CCM2L: variants seen among roughly 807,000 people sequenced by gnomAD.
The protein encoded by CCM2L is cerebral cavernous malformations 2 protein-like.
A neutral mutation model predicts 54.1 loss-of-function variants in CCM2L; 36 were observed. The ratio of observed to expected loss-of-function variants is 0.67; its 90% CI spans 0.51 to 0.88. The LOEUF is 0.88. Among genes scored for constraint, CCM2L ranks in the 40% least tolerant of loss-of-function variants. The pLI is 0.00. For missense variants in CCM2L, 700 were observed against 812.1 expected (o/e 0.86, Z 1.68); for synonymous variants, 351 against 359.3 (o/e 0.98, Z 0.26).
At chr20:32,022,587 C>A (rs764638443) in intron 5 of CCM2L, 73 bp from the exon 6 acceptor site, 6 of 1,560,468 alleles carry the variant, frequency 3.8e-6, no homozygotes, top group Non-Finnish European at 5.2e-6. Context: ...TCTTCACACA[C>A]TGTTTTAGGA....
intron 6 of CCM2L, among the ~76,000 whole-genome samples, chr20:32,024,534 A>G (rs1417028529): frequency 6.6e-6 from 1 of 152,162 alleles, no homozygotes; most frequent in Non-Finnish European, 1.5e-5. Flanking sequence ...ACAAATAAAT[A>G]CACAACCACA....
Position 32,018,988 on chromosome 20 carries a change from G to C in CCM2L, c.512G>C (p.Gly171Ala). The change falls in exon 5 of 10, where the codon GGC becomes GCC. Residue 171 changes from glycine (G) to alanine (A), a missense_variant. Physicochemically the swap from Gly to Ala is moderately conservative, Grantham distance 60 (BLOSUM62 0). Coordinates refer to ENST00000452892, the MANE Select transcript of CCM2L (RefSeq NM_001365692.1). ...PVPAGVDASP[G>A]GAGRDPGPPG... ...CCGGCCGGCGTGGATGCCAGCCCAG[G>C]CGGCGCAGGACGCGACCCCGGCCCG... 1 of 1,399,626 alleles carries C rather than the reference G, an allele frequency of 7.1e-7. No homozygotes were observed. The highest frequency in any genetic ancestry group is 9.2e-7 in the Non-Finnish European group (1 of 1,081,190). The allele number at this position is 1,399,626 out of a possible 1,614,324, so 86.7% of individuals were successfully genotyped here.
In CCM2L at chr20:32,019,007, C is replaced by G. The variant is rs1325719593; in HGVS notation, c.531C>G (p.Pro177=). Reference sequence around the variant, plus strand: ...GCCCAGGCGGCGCAGGACGCGACCCCGGCCCGCCAGGCGGGGCGCCCGAGA... The same window carrying G: ...GCCCAGGCGGCGCAGGACGCGACCCGGGCCCGCCAGGCGGGGCGCCCGAGA... ...DASPGGAGRD[P]GPPGGAPEKR... Residue 177 remains proline (P), a synonymous_variant, in exon 5 of 10, where the codon CCC becomes CCG. Transcript: ENST00000452892. 1 of 1,343,596 alleles carries G rather than the reference C, an allele frequency of 7.4e-7. No individual in the cohort carries two copies. Among genetic ancestry groups the G allele is most frequent in the African/African-American group, 1.5e-5 (1 of 65,110 alleles). 83.2% of individuals were successfully genotyped at this position (1,343,596 alleles called of 1,614,324 possible).
intron 5 of CCM2L, 104 bp downstream of exon 5, chr20:32,019,513 C>T: frequency 1.2e-6 from 1 of 815,486 alleles, no homozygotes; most frequent in Non-Finnish European, 1.8e-6. Context: ...GGATCTGCCC[C>T]TGCCTTCTCC....
chr20:32,013,037 A>T (rs1448496240), intron 1 of CCM2L, among the ~76,000 whole-genome samples: 1 of 152,124 alleles, frequency 6.6e-6, no homozygotes, highest in Non-Finnish European at 1.5e-5. Flanking sequence ...AATGGCTCAC[A>T]CCTGTAATCC....
At position 32,023,968 on chromosome 20, in the gene CCM2L, C is replaced by T. The variant is rs372263532; in HGVS notation, c.1069+1173C>T. On this transcript the variant is annotated intron_variant, in intron 6 of 9. Transcript: ENST00000452892. ...CAGTGTGGTCTTGATCTCTTGACCTCGTGATCTGCCTGCCTCAGCCTCCCA... is the reference window on the plus strand; with the variant it reads ...CAGTGTGGTCTTGATCTCTTGACCTTGTGATCTGCCTGCCTCAGCCTCCCA... Among the ~76,000 whole-genome samples, 25 of 152,260 alleles carry T rather than the reference C, an allele frequency of 1.6e-4. 1 individual carries two copies. In the East Asian group the frequency reaches 3.1e-3, roughly 19 times the overall value.
At chr20:32,027,538 T>C (rs1412175958) in intron 7 of CCM2L, among the ~76,000 whole-genome samples, 2 of 152,238 alleles carry the variant, frequency 1.3e-5, no homozygotes, top group Non-Finnish European at 2.9e-5. Flanking sequence ...ACACTAATTA[T>C]TATTATCCCA....
chr20:32,024,463 G>A (rs1373651498), intron 6 of CCM2L, among the ~76,000 whole-genome samples: 1 of 152,216 alleles, frequency 6.6e-6, no homozygotes, highest in African/African-American at 2.4e-5. Flanking sequence ...CAAAACCAGA[G>A]GTGGCCTGTC....
intron 7 of CCM2L, chr20:32,028,588 C>A: frequency 4.9e-6 from 1 of 203,060 alleles, no homozygotes; most frequent in Non-Finnish European, 1.0e-5. Context: ...CACAGGTAGG[C>A]CATGGACTGA....
chr20:32,024,088 T>G (rs149541841), intron 6 of CCM2L, among the ~76,000 whole-genome samples: 200 of 152,316 alleles, frequency 1.3e-3, no homozygotes, highest in African/African-American at 4.6e-3. Flanking sequence ...AATAAATTAC[T>G]CAAGGTCACA....
chr20:32,010,560 T>TGGGGGCAAATGGGGGGGGGGGG, intron 1 of CCM2L, 76 bp downstream of exon 1: 7 of 105,732 alleles, frequency 6.6e-5, no homozygotes, highest in Middle Eastern at 2.4e-3. Flanking sequence ...TGGGGCGGGG[T>TGGGGGCAAATGGGGGGGGGGGG]GGGGGGTCGG....
At chr20:32,014,881 C>A (rs750965937) in intron 1 of CCM2L, 23 bp from the exon 2 acceptor site, 25 of 1,576,066 alleles carry the variant, frequency 1.6e-5, no homozygotes, top group Admixed American at 1.9e-5. Flanking sequence ...TGTTATCACT[C>A]TCATTCCTCC....
chr20:32,021,113 ACAGT>A lies in CCM2L; in HGVS notation c.934-1543_934-1540del, dbSNP rs373680319. 3.8e-3 allele frequency among the ~76,000 whole-genome samples: 573 copies of A among 151,960 alleles called. 1 individual carries two copies. The highest frequency in any genetic ancestry group is 6.5e-3 in the Non-Finnish European group (442 of 67,974). Reference sequence around the variant, plus strand: ...CCTTGCTGACAGTCTCTTTCCCCACACAGTCAGAGTGGTCCCGTTAACATGAAAG... The same window carrying A: ...CCTTGCTGACAGTCTCTTTCCCCACACAGAGTGGTCCCGTTAACATGAAAG... On this transcript the variant is annotated intron_variant, in intron 5 of 9. Transcript: ENST00000452892.
chr20:32,029,650 TG>T (rs1466271101), intron 8 of CCM2L, 49 bp from the exon 9 acceptor site: 1 of 1,554,492 alleles, frequency 6.4e-7, no homozygotes, highest in Non-Finnish European at 8.7e-7. Flanking sequence ...AGGCAGGGGT[TG>T]GGTGGCGCTG....
intron 7 of CCM2L, chr20:32,028,778 G>A (rs2064888207): frequency 3.5e-6 from 2 of 576,834 alleles, no homozygotes; most frequent in Non-Finnish European, 6.1e-6. Context: ...GGAGATAGTA[G>A]AGGAAGAAGG....
Position 32,010,494 on chromosome 20 carries a change from AG to A in CCM2L, c.30+12del. ...CAAGAAAGGGAAGAAGGTAGGTGGG[AG>A]GTTGGGAGGGACGAAGGGAGAGGAA... On this transcript the variant is annotated intron_variant, in intron 1 of 9. Transcript: ENST00000452892. 3.3e-6 allele frequency: 4 copies of A among 1,226,482 alleles called. No homozygotes were observed. The highest frequency in any genetic ancestry group is 4.2e-6 in the Non-Finnish European group (4 of 958,770). The allele number at this position is 1,226,482 out of a possible 1,614,324, so 76.0% of individuals were successfully genotyped here. A position where few individuals can be genotyped will look rare whatever the true frequency, so the allele number is the denominator to read the frequency against.
chr20:32,029,657 C>T (rs746158161), intron 8 of CCM2L, 43 bp from the exon 9 acceptor site: 10 of 1,561,180 alleles, frequency 6.4e-6, no homozygotes, highest in East Asian at 4.5e-5. Flanking sequence ...GGTTGGGTGG[C>T]GCTGCTTCCT....
intron 1 of CCM2L, 152 bp from the exon 2 acceptor site, chr20:32,014,752 C>T (rs1377099866): frequency 3.1e-5 from 23 of 735,710 alleles, no homozygotes; most frequent in Non-Finnish European, 4.8e-5. Flanking sequence ...CTAGGGTTTA[C>T]TTTCTCCATC....
In CCM2L at chr20:32,018,822, C is replaced by CG. The variant is rs1359552617; in HGVS notation, c.467-116dup. The CG allele has an allele frequency of 2.6e-5, 30 of 1,150,668 alleles. 1 individual carries two copies. The South Asian group carries it at 8.8e-4, about 34-fold the overall frequency. 71.3% of individuals were successfully genotyped at this position (1,150,668 alleles called of 1,614,324 possible). ...GGGAACCGCCGCGCTACTTTAAAGC[C>CG]GGGGGCGAGGCGGCGGTGGAACCCC... On this transcript the variant is annotated intron_variant, in intron 4 of 9. Transcript: ENST00000452892.
Sources: allele counts gnomAD v4.1 joint callset (sites outside exome capture counted in the v4.1 genomes callset), GRCh38; gene constraint gnomAD v4.1.1; transcripts MANE v1.5; gene names NCBI Gene and HGNC (gene_info 2026-07-23, HGNC 2026-07-21).